The following ELOVL6 variants were observed in gnomAD, a reference collection of about 807,000 sequenced individuals.
ELOVL6 encodes ELOVL fatty acid elongase 6, also known as very long chain fatty acid elongase 6.
A neutral mutation model predicts 31.7 loss-of-function variants in ELOVL6; 8 were observed. The observed-to-expected ratio is 0.25, with a 90% CI of 0.15 to 0.45. The LOEUF is 0.45. ELOVL6 is among the 20% of genes least tolerant of loss of function. The pLI is 1.00. For missense variants in ELOVL6, 126 were observed against 326.4 expected (o/e 0.39, Z 4.73); for synonymous variants, 101 against 117.7 (o/e 0.86, Z 0.92).
chr4:110,094,404 A>AATAT (rs1167924305), intron 2 of ELOVL6, among the ~76,000 whole-genome samples: 16 of 55,552 alleles, frequency 2.9e-4, no homozygotes, highest in South Asian at 7.5e-4. Flanking sequence ...CTTAAAAAGA[A>AATAT]ATATATATAT....
Position 110,129,891 on chromosome 4 carries a change from ATTTTTTTT to A in ELOVL6, c.90-24271_90-24264del, listed in dbSNP as rs371838858. 2.9e-3 allele frequency among the ~76,000 whole-genome samples: 270 copies of A among 93,542 alleles called. 2 individuals carry two copies. Among genetic ancestry groups the A allele is most frequent in the African/African-American group, 0.012 (249 of 20,986 alleles). The allele number at this position is 93,542 out of a possible 152,430, so 61.4% of individuals were successfully genotyped here. A position where few individuals can be genotyped will look rare whatever the true frequency, so the allele number is the denominator to read the frequency against. On this transcript the variant is annotated intron_variant, in intron 1 of 3. Transcript: ENST00000302274. ...TTTCCATTATTTCCAATCCAATCCA[ATTTTTTTT>A]TTTTTTTTTTTTTTTGGTGAGACAG...
intron 1 of ELOVL6, among the ~76,000 whole-genome samples, chr4:110,147,780 GACACACACACACACACAC>G (rs58644594): frequency 7.0e-6 from 1 of 142,646 alleles, no homozygotes; most frequent in Admixed American, 7.0e-5. Flanking sequence ...GACAGAGCAG[GACACACACACACACACAC>G]ACACACACAC....
At chr4:110,113,721 G>C (rs79047119) in intron 1 of ELOVL6, among the ~76,000 whole-genome samples, 1 of 152,244 alleles carries the variant, frequency 6.6e-6, no homozygotes, top group South Asian at 2.1e-4. Context: ...GATTGTTGCA[G>C]GTGAGAATTT....
At chr4:110,099,463 G>A (rs1347940180) in intron 2 of ELOVL6, among the ~76,000 whole-genome samples, 1 of 152,148 alleles carries the variant, frequency 6.6e-6, no homozygotes, top group Admixed American at 6.6e-5. Flanking sequence ...TAGGCAAGAA[G>A]TCAAACTATA....
intron 1 of ELOVL6, chr4:110,146,889 C>CT (rs1236803540): frequency 4.6e-5 from 7 of 152,344 alleles, no homozygotes; most frequent in Non-Finnish European, 8.8e-5. Context: ...ACTCAGGAGG[C>CT]TGAGGCAGGA....
intron 2 of ELOVL6, among the ~76,000 whole-genome samples, chr4:110,077,881 G>C (rs1415935404): frequency 6.6e-6 from 1 of 152,164 alleles, no homozygotes; most frequent in Non-Finnish European, 1.5e-5. Context: ...AACTAATGCA[G>C]AGAAGTCCTT....
intron 3 of ELOVL6, among the ~76,000 whole-genome samples, chr4:110,058,829 C>T (rs949748421): frequency 1.8e-4 from 28 of 152,190 alleles, no homozygotes; most frequent in African/African-American, 6.7e-4. Context: ...CCAGTTTGTA[C>T]CTGTACAATC....
intron 1 of ELOVL6, among the ~76,000 whole-genome samples, chr4:110,114,736 C>A (rs944465567): frequency 2.0e-5 from 3 of 152,144 alleles, no homozygotes; most frequent in African/African-American, 7.2e-5. Context: ...CCTATCAGAG[C>A]TGGAGGCTAA....
chr4:110,192,203 AAAAG>A (rs1236472727), intron 1 of ELOVL6, among the ~76,000 whole-genome samples: 8 of 152,004 alleles, frequency 5.3e-5, no homozygotes, highest in South Asian at 2.1e-4. Flanking sequence ...AAAAAAAAAA[AAAAG>A]AAAGAAAGAA....
At chr4:110,174,389 C>A (rs960066166) in intron 1 of ELOVL6, among the ~76,000 whole-genome samples, 3 of 152,096 alleles carry the variant, frequency 2.0e-5, no homozygotes, top group African/African-American at 7.2e-5. Flanking sequence ...TGGTCTTGAA[C>A]CCCCGGCCTC....
In ELOVL6 at chr4:110,198,375, A is replaced by C. The variant is rs780586324; in HGVS notation, c.-40T>G. On this transcript the variant is annotated 5_prime_UTR_variant, in exon 1 of 4. Coordinates refer to ENST00000302274, the MANE Select transcript of ELOVL6 (RefSeq NM_024090.3). ...GGAGTCGCTACGTGTTCTCTATACA[A>C]AATAAAATAATCTGTAAAGCGCTTG... The C allele has an allele frequency of 2.5e-6, 3 of 1,220,808 alleles. No homozygotes were observed. The highest frequency in any genetic ancestry group is 3.6e-6 in the Non-Finnish European group (3 of 834,110). The allele number at this position is 1,220,808 out of a possible 1,614,324, so 75.6% of individuals were successfully genotyped here.
intron 2 of ELOVL6, among the ~76,000 whole-genome samples, chr4:110,070,725 G>A (rs1755449132): frequency 6.6e-6 from 1 of 152,112 alleles, no homozygotes; most frequent in Non-Finnish European, 1.5e-5. Context: ...TGTTTAAAGT[G>A]TGTAGCACCT....
intron 2 of ELOVL6, among the ~76,000 whole-genome samples, chr4:110,084,012 G>A (rs13119864): frequency 0.34 from 3,345 of 9,918 alleles, 326 homozygotes; most frequent in Non-Finnish European, 0.36. Flanking sequence ...GCCATATATG[G>A]TATATAACAT....
chr4:110,177,454 AAAT>A (rs141020839), intron 1 of ELOVL6, among the ~76,000 whole-genome samples: 17 of 151,164 alleles, frequency 1.1e-4, no homozygotes, highest in South Asian at 2.1e-4. Context: ...ATAAATTAAT[AAAT>A]AATAATAATA....
chr4:110,158,658 T>TATATATA (rs35622604), intron 1 of ELOVL6, among the ~76,000 whole-genome samples: 59 of 59,514 alleles, frequency 9.9e-4, no homozygotes, highest in African/African-American at 5.1e-3. Flanking sequence ...TATATATATA[T>TATATATA]TTTTTTTTTT....
At chr4:110,148,548 G>A (rs1488865505) in intron 1 of ELOVL6, among the ~76,000 whole-genome samples, 2 of 151,460 alleles carry the variant, frequency 1.3e-5, no homozygotes, top group Non-Finnish European at 2.9e-5. Context: ...AAAATAGAAG[G>A]AATGAATAAG....
At chr4:110,056,130 G>GGGT (rs893626965) in intron 3 of ELOVL6, among the ~76,000 whole-genome samples, 2 of 126,456 alleles carry the variant, frequency 1.6e-5, no homozygotes, top group Admixed American at 7.3e-5. Flanking sequence ...GCTGGGGGGG[G>GGGT]GGATACAGTT....
intron 1 of ELOVL6, among the ~76,000 whole-genome samples, chr4:110,193,392 G>T (rs879727891): frequency 6.6e-6 from 1 of 152,118 alleles, no homozygotes; most frequent in Non-Finnish European, 1.5e-5. Flanking sequence ...ATTACTTGAG[G>T]TCAGGAGTTC....
chr4:110,091,771 T>C (rs1244239980), intron 2 of ELOVL6, among the ~76,000 whole-genome samples: 1 of 152,180 alleles, frequency 6.6e-6, no homozygotes, highest in African/African-American at 2.4e-5. Context: ...CACCCCTCTG[T>C]CTACTATTGT....
Sources: gnomAD v4.1 joint callset for allele counts (sites outside exome capture counted in the v4.1 genomes callset) on GRCh38, gnomAD v4.1.1 for gene constraint, MANE v1.5 for transcripts, NCBI Gene and HGNC (gene_info 2026-07-23, HGNC 2026-07-21) for gene names.